Variants in GALNT14 observed in about 807,000 individuals in gnomAD.
GALNT14 encodes polypeptide N-acetylgalactosaminyltransferase 14.
In GALNT14, 60 loss-of-function variants were observed where a neutral mutation model predicts 77.5. The observed-to-expected ratio is 0.77, with a 90% CI of 0.63 to 0.96. The LOEUF is 0.96. GALNT14 is among the 40% of genes least tolerant of loss of function. GALNT14 has a pLI of 0.00. For missense variants in GALNT14, 710 were observed against 731.0 expected, an observed-to-expected ratio of 0.97 and a Z score of 0.33; for synonymous variants, 280 against 281.7, an observed-to-expected ratio of 0.99 and a Z score of 0.06.
intron 1 of GALNT14, among the ~76,000 whole-genome samples, chr2:31,048,601 TGCCTCC>T (rs1673637439): frequency 1.2e-4 from 10 of 85,274 alleles, no homozygotes; most frequent in African/African-American, 2.6e-4. Flanking sequence ...CCCCCACTCC[TGCCTCC>T]CCTGCCTCCC....
At chr2:31,068,503 G>A (rs1455894873) in intron 1 of GALNT14, among the ~76,000 whole-genome samples, 4 of 91,160 alleles carry the variant, frequency 4.4e-5, no homozygotes, top group African/African-American at 1.1e-4. Context: ...GCAAGACCCC[G>A]TCTCAAAAAA....
At chr2:31,061,601 A>G (rs924154786) in intron 1 of GALNT14, among the ~76,000 whole-genome samples, 1 of 152,124 alleles carries the variant, frequency 6.6e-6, no homozygotes, top group Non-Finnish European at 1.5e-5. Flanking sequence ...TGTAGCTCAT[A>G]TGCCCTTTCC....
chr2:30,935,222 AAAGCAGGG>A (rs1665979852), intron 9 of GALNT14, among the ~76,000 whole-genome samples: 1 of 152,138 alleles, frequency 6.6e-6, no homozygotes, highest in Non-Finnish European at 1.5e-5. Flanking sequence ...GTGGCATTCA[AAAGCAGGG>A]AAGCACATCT....
At chr2:30,933,987 C>A (rs1665903262) in intron 9 of GALNT14, among the ~76,000 whole-genome samples, 1 of 152,184 alleles carries the variant, frequency 6.6e-6, no homozygotes, top group South Asian at 2.1e-4. Flanking sequence ...ATGGACATCA[C>A]CCACCTGTGC....
At chr2:31,137,766 G>A (rs1470680681) in intron 1 of GALNT14, among the ~76,000 whole-genome samples, 192 bp downstream of exon 1, 1 of 152,166 alleles carries the variant, frequency 6.6e-6, no homozygotes, top group Admixed American at 6.5e-5. Context: ...CATGCACACC[G>A]CGGGTCCGGA....
At chr2:31,102,597 T>C (rs1573352486) in intron 1 of GALNT14, among the ~76,000 whole-genome samples, 1 of 152,156 alleles carries the variant, frequency 6.6e-6, no homozygotes, top group Admixed American at 6.5e-5. Context: ...GAATGTTTCA[T>C]AGACCCTTGA....
chr2:31,113,133 G>A (rs1262289666), intron 1 of GALNT14, among the ~76,000 whole-genome samples: 1 of 152,148 alleles, frequency 6.6e-6, no homozygotes, highest in African/African-American at 2.4e-5. Flanking sequence ...ATATTTGCTT[G>A]GAAGTTTCTA....
intron 1 of GALNT14, among the ~76,000 whole-genome samples, chr2:31,135,707 A>G (rs1181356330): frequency 6.6e-6 from 1 of 152,208 alleles, no homozygotes; most frequent in African/African-American, 2.4e-5. Context: ...GACTTCTGCT[A>G]CTAAACCACT....
chr2:31,092,437 T>C (rs1676796828), intron 1 of GALNT14, among the ~76,000 whole-genome samples: 1 of 152,150 alleles, frequency 6.6e-6, no homozygotes, highest in South Asian at 2.1e-4. Flanking sequence ...AAGTTCATTA[T>C]AATAATTTTG....
In GALNT14 at chr2:30,910,681, C is replaced by T. The variant is rs571513222; in HGVS notation, c.*220G>A. ...ATGACTGGCCAGGACTGGAACTTAA[C>T]GGCCTTGAGAACATGTGGGATTTGT... On this transcript the variant is annotated 3_prime_UTR_variant, in exon 15 of 15. Transcript: ENST00000349752. The T allele has an allele frequency of 6.0e-6, 3 of 499,978 alleles. No individual in the cohort carries two copies. Among genetic ancestry groups the T allele is most frequent in the Admixed American group, 3.7e-5 (1 of 26,982 alleles). 31.0% of individuals were successfully genotyped at this position (499,978 alleles called of 1,614,324 possible).
rs181950232 is a variant in GALNT14 at position 31,107,513 on chromosome 2, C to T, written c.129+30445G>A. On this transcript the variant is annotated intron_variant, in intron 1 of 14. Coordinates refer to ENST00000349752, the MANE Select transcript of GALNT14 (RefSeq NM_024572.4). ...GCATTTCGGAGTTTTCTATTGTTCT[C>T]TTTGCTGTTGTGTCCAGCAACAAGG... 2.9e-3 allele frequency among the ~76,000 whole-genome samples: 443 copies of T among 152,272 alleles called. 1 individual carries two copies. Among genetic ancestry groups the T allele is most frequent in the Middle Eastern group, 0.014 (4 of 294 alleles).
intron 2 of GALNT14, among the ~76,000 whole-genome samples, chr2:30,980,858 G>C (rs1163711225): frequency 6.6e-6 from 1 of 152,242 alleles, no homozygotes; most frequent in Non-Finnish European, 1.5e-5. Flanking sequence ...AAGGCAGGTG[G>C]ATCACCTGAG....
the GALNT14 span, among the ~76,000 whole-genome samples, chr2:30,899,216 C>T: frequency 2.0e-5 from 3 of 152,196 alleles, no homozygotes; most frequent in Admixed American, 2.0e-4. Flanking sequence ...CTTCCTTCAT[C>T]CCAGGAATGG....
chr2:30,903,564 G>T, the GALNT14 span, among the ~76,000 whole-genome samples: 4 of 152,240 alleles, frequency 2.6e-5, no homozygotes, highest in African/African-American at 9.6e-5. Context: ...CAGCCTGCGA[G>T]GAACCAAATC....
At chr2:30,906,703 G>A (rs2148186746), downstream of GALNT14, among the ~76,000 whole-genome samples, 1 of 152,226 alleles carries the variant, frequency 6.6e-6, no homozygotes, top group East Asian at 1.9e-4. Context: ...TCTGCACCAA[G>A]CGGACCTAAT....
At chr2:31,019,346 A>G (rs1157355165) in intron 1 of GALNT14, among the ~76,000 whole-genome samples, 1 of 152,040 alleles carries the variant, frequency 6.6e-6, no homozygotes, top group Non-Finnish European at 1.5e-5. Flanking sequence ...TTTTGCTTTA[A>G]TTTTCATTTG....
intron 1 of GALNT14, among the ~76,000 whole-genome samples, chr2:31,002,434 A>G (rs1174017846): frequency 6.6e-6 from 1 of 152,070 alleles, no homozygotes; most frequent in Non-Finnish European, 1.5e-5. Context: ...CATTTCAAAA[A>G]AAAAAAAGTG....
the GALNT14 span, among the ~76,000 whole-genome samples, chr2:30,895,643 C>T: frequency 6.3e-3 from 952 of 152,134 alleles, 2 homozygotes; most frequent in South Asian, 0.01. Context: ...GCCCTTTCTT[C>T]CCCTTGTCCT....
chr2:30,999,174 G>A (rs1472265535), intron 1 of GALNT14, among the ~76,000 whole-genome samples: 5 of 152,182 alleles, frequency 3.3e-5, no homozygotes, highest in African/African-American at 9.7e-5. Flanking sequence ...TCCATCCAAC[G>A]TTGGAAGCTT....
Sources: allele counts gnomAD v4.1 joint callset (sites outside exome capture counted in the v4.1 genomes callset), GRCh38; gene constraint gnomAD v4.1.1; transcripts MANE v1.5; gene names NCBI Gene and HGNC (gene_info 2026-07-23, HGNC 2026-07-21).